TRPM3: variants seen among roughly 807,000 people sequenced by gnomAD.
TRPM3 encodes long transient receptor potential channel 3.
In TRPM3, 77 loss-of-function variants were observed where a neutral mutation model predicts 181.2. That is an observed-to-expected ratio of 0.42 (90% CI 0.35 to 0.51). The LOEUF is 0.51. Among genes scored for constraint, TRPM3 ranks in the 20% least tolerant of loss-of-function variants. TRPM3 has a pLI of 0.01. For missense variants in TRPM3, 1,759 were observed against 2,196.7 expected (o/e 0.80, Z 3.98); for synonymous variants, 745 against 796.4 (o/e 0.94, Z 1.09).
intron 1 of TRPM3, among the ~76,000 whole-genome samples, chr9:71,190,562 G>C (rs1487267232): frequency 6.6e-6 from 1 of 151,772 alleles, no homozygotes; most frequent in African/African-American, 2.4e-5. Flanking sequence ...GGGATGGGCA[G>C]GATGATTAAG....
At chr9:71,113,324 G>A (rs1459073369) in intron 1 of TRPM3, among the ~76,000 whole-genome samples, 1 of 152,150 alleles carries the variant, frequency 6.6e-6, no homozygotes, top group African/African-American at 2.4e-5. Context: ...CATAAGGATG[G>A]GAGAAAACAA....
chr9:71,269,221 A>G (rs371615248), intron 1 of TRPM3, among the ~76,000 whole-genome samples: 2 of 152,358 alleles, frequency 1.3e-5, no homozygotes, highest in Non-Finnish European at 2.9e-5. Context: ...GTTCTTAAGT[A>G]AAAAGAAAGA....
intron 1 of TRPM3, among the ~76,000 whole-genome samples, chr9:70,924,506 T>C (rs1217212924): frequency 6.6e-6 from 1 of 152,210 alleles, no homozygotes; most frequent in Non-Finnish European, 1.5e-5. Flanking sequence ...ATGAACATTC[T>C]TGACCATAAA....
At chr9:71,422,469 A>G (rs1184261075) in intron 1 of TRPM3, among the ~76,000 whole-genome samples, 1 of 152,054 alleles carries the variant, frequency 6.6e-6, no homozygotes, top group African/African-American at 2.4e-5. Context: ...CTAGTGGCAA[A>G]GAGTGATGCC....
At chr9:71,134,015 G>GCA (rs1158368712) in intron 1 of TRPM3, among the ~76,000 whole-genome samples, 62 of 124,926 alleles carry the variant, frequency 5.0e-4, no homozygotes, top group African/African-American at 1.4e-3. Context: ...GTGTGTGTGT[G>GCA]CGCGTGCGCG....
intron 1 of TRPM3, among the ~76,000 whole-genome samples, chr9:71,080,070 T>C (rs1219214158): frequency 1.3e-5 from 2 of 151,926 alleles, no homozygotes. Context: ...CTTGAGAGGC[T>C]GAGGCAGGAG....
At chr9:71,148,410 A>C (rs116191223) in intron 1 of TRPM3, among the ~76,000 whole-genome samples, 498 of 152,246 alleles carry the variant, frequency 3.3e-3, no homozygotes, top group African/African-American at 0.011. Context: ...TTGCTACAAC[A>C]ATACTTGCAA....
At chr9:71,383,126 AG>A (rs1376245723) in intron 1 of TRPM3, among the ~76,000 whole-genome samples, 1 of 152,200 alleles carries the variant, frequency 6.6e-6, no homozygotes, top group African/African-American at 2.4e-5. Context: ...AGAGCATAAA[AG>A]GAATTATTTC....
At chr9:70,660,644 A>C (rs2060995530) in intron 9 of TRPM3, among the ~76,000 whole-genome samples, 1 of 152,136 alleles carries the variant, frequency 6.6e-6, no homozygotes, top group Non-Finnish European at 1.5e-5. Flanking sequence ...GGGTTCATGA[A>C]GGCTACTATG....
intron 1 of TRPM3, among the ~76,000 whole-genome samples, chr9:71,324,742 TAAAG>T (rs1217431268): frequency 6.6e-6 from 1 of 151,932 alleles, no homozygotes; most frequent in Non-Finnish European, 1.5e-5. Flanking sequence ...GATAAACGCA[TAAAG>T]AAAGTGTGGT....
At chr9:71,091,161 T>C (rs2066149873) in intron 1 of TRPM3, among the ~76,000 whole-genome samples, 1 of 152,166 alleles carries the variant, frequency 6.6e-6, no homozygotes, top group Non-Finnish European at 1.5e-5. Context: ...TACCATTCTC[T>C]TACAGACAAG....
chr9:71,238,214 T>TC (rs2081474103), intron 1 of TRPM3, among the ~76,000 whole-genome samples: 1 of 152,182 alleles, frequency 6.6e-6, no homozygotes, highest in African/African-American at 2.4e-5. Context: ...CTACTTTTAT[T>TC]CCATCTCACA....
chr9:70,817,591 G>T (rs957333258), intron 6 of TRPM3, among the ~76,000 whole-genome samples: 2 of 152,190 alleles, frequency 1.3e-5, no homozygotes, highest in African/African-American at 2.4e-5. Context: ...TGTCATGCTA[G>T]GTTGGCAGTG....
intron 1 of TRPM3, among the ~76,000 whole-genome samples, chr9:71,217,099 C>T (rs1176071629): frequency 1.3e-5 from 2 of 150,908 alleles, no homozygotes; most frequent in South Asian, 2.1e-4. Context: ...TACAGGCGCC[C>T]GCTACCACGC....
At chr9:70,587,309 C>T (rs2057311123) in intron 22 of TRPM3, among the ~76,000 whole-genome samples, 1 of 152,180 alleles carries the variant, frequency 6.6e-6, no homozygotes. Flanking sequence ...TAGACCCTTA[C>T]TTAATGCATT....
intron 1 of TRPM3, among the ~76,000 whole-genome samples, chr9:70,986,045 T>C (rs1441965669): frequency 6.6e-6 from 1 of 152,166 alleles, no homozygotes; most frequent in African/African-American, 2.4e-5. Context: ...AATTCTGTGG[T>C]TGCTGTTGGG....
chr9:70,933,856 T>C (rs2096798498), intron 1 of TRPM3, among the ~76,000 whole-genome samples: 1 of 151,964 alleles, frequency 6.6e-6, no homozygotes, highest in Non-Finnish European at 1.5e-5. Flanking sequence ...GGCAAAAGTA[T>C]AGAACTTAAA....
intron 1 of TRPM3, among the ~76,000 whole-genome samples, chr9:71,282,360 AAAG>A (rs1565418964): frequency 8.3e-6 from 1 of 120,004 alleles, no homozygotes. Flanking sequence ...AAAGAAAGAA[AAAG>A]AAAGAATGAA....
chr9:70,667,170 T>A (rs2061961453), intron 9 of TRPM3, among the ~76,000 whole-genome samples: 1 of 152,102 alleles, frequency 6.6e-6, no homozygotes, highest in Non-Finnish European at 1.5e-5. Flanking sequence ...CTTGGTTAAC[T>A]GTTCATATTT....
Sources: allele counts gnomAD v4.1 joint callset (sites outside exome capture counted in the v4.1 genomes callset), GRCh38; gene constraint gnomAD v4.1.1; transcripts MANE v1.5; gene names NCBI Gene and HGNC (gene_info 2026-07-23, HGNC 2026-07-21).